PLB1: variants seen among roughly 807,000 people sequenced by gnomAD.
PLB1 encodes the protein phospholipase B1, membrane-associated.
In PLB1, 242 loss-of-function variants were observed where a neutral mutation model predicts 227.4. The ratio of observed to expected loss-of-function variants is 1.06; its 90% CI spans 0.96 to 1.18. The LOEUF (loss-of-function observed/expected upper bound fraction) is 1.18, where lower values mean the gene tolerates loss of function less well. Ranked by LOEUF, PLB1 falls within the 50% of genes most tolerant of loss-of-function variation. PLB1 has a pLI of 0.00. For synonymous variants in PLB1, 757 were observed against 682.2 expected (o/e 1.11, Z -1.71); for missense variants, 1,858 against 1,816.3 (o/e 1.02, Z -0.42).
rs143118117 is a variant in PLB1 at position 28,626,508 on chromosome 2, G to T, written c.3660G>T (p.Pro1220=). 25 of 1,613,612 alleles carry T rather than the reference G, an allele frequency of 1.5e-5. No homozygotes were observed. In the South Asian group the frequency reaches 2.3e-4, roughly 15 times the overall value. Residue 1220 remains proline (P), a splice_region_variant and synonymous_variant, in exon 51 of 58, where the codon CCG becomes CCT. Coordinates refer to ENST00000327757, the MANE Select transcript of PLB1 (RefSeq NM_153021.5). ...ACTTGTGTCATTACTGTGAGAATCC[G>T]GTAGGCCCCCGACCAACCCCATGGG... ...VNDLCHYCEN[P]EAHLATEYVQ...
chr2:28,577,695 A>G (rs1158441527), intron 21 of PLB1, among the ~76,000 whole-genome samples: 3 of 152,118 alleles, frequency 2.0e-5, no homozygotes, highest in South Asian at 2.1e-4. Flanking sequence ...ACAAAAATTA[A>G]CTGGGTGTGG....
At chr2:28,613,545 T>C (rs987072048) in intron 43 of PLB1, among the ~76,000 whole-genome samples, 3 of 151,454 alleles carry the variant, frequency 2.0e-5, no homozygotes, top group Non-Finnish European at 4.4e-5. Context: ...GAGGGTGTTT[T>C]ACAAGAAAAA....
intron 1 of PLB1, among the ~76,000 whole-genome samples, chr2:28,501,099 A>G (rs867778682): frequency 2.6e-5 from 4 of 152,216 alleles, no homozygotes; most frequent in Non-Finnish European, 1.5e-5. Context: ...TGACAAAACT[A>G]AGAAATGTAG....
Position 28,599,702 on chromosome 2 carries a change from C to T in PLB1, c.2474+942C>T, listed in dbSNP as rs189587701. Reference sequence around the variant, plus strand: ...CACAATCTCTGCTCACGGTAACCTCCGCCTCCCAGGTTCAAGTGATTCTTG... The same window carrying T: ...CACAATCTCTGCTCACGGTAACCTCTGCCTCCCAGGTTCAAGTGATTCTTG... On this transcript the variant is annotated intron_variant, in intron 35 of 57. Transcript: ENST00000327757. Among the ~76,000 whole-genome samples, 90 of 152,290 alleles carry T rather than the reference C, an allele frequency of 5.9e-4. 1 individual carries two copies. Among genetic ancestry groups the T allele is most frequent in the Non-Finnish European group, 7.2e-4 (49 of 68,018 alleles).
Position 28,582,203 on chromosome 2 carries a change from T to G in PLB1, c.1632+70T>G, listed in dbSNP as rs1054985266. The G allele has an allele frequency of 2.2e-5, 34 of 1,519,152 alleles. 1 individual carries two copies. The highest frequency in any genetic ancestry group is 3.1e-5 in the Non-Finnish European group (34 of 1,094,942). 94.1% of individuals were successfully genotyped at this position (1,519,152 alleles called of 1,614,324 possible). On this transcript the variant is annotated intron_variant, in intron 24 of 57. Coordinates refer to ENST00000327757, the MANE Select transcript of PLB1 (RefSeq NM_153021.5). ...TAGCCTAGAGGAAGCTCTGGCATCC[T>G]GCTGAGACCTCCTTGGCAGGTCACC...
chr2:28,591,614 T>C (rs1005646915), intron 30 of PLB1, 86 bp from the exon 31 acceptor site: 14 of 1,400,418 alleles, frequency 1.0e-5, no homozygotes, highest in Non-Finnish European at 1.4e-5. Flanking sequence ...AATCTGTATT[T>C]TTCAAAGTTC....
At chr2:28,598,161 C>T (rs1683270929) in intron 34 of PLB1, 113 bp downstream of exon 34, 1 of 879,824 alleles carries the variant, frequency 1.1e-6, no homozygotes, top group Admixed American at 2.6e-5. Flanking sequence ...TATGGCCCAG[C>T]ATTTAAGTAG....
In PLB1 at chr2:28,582,385, C is replaced by CT. The variant is rs759431513; in HGVS notation, c.1633-19dup. Reference sequence around the variant, plus strand: ...CTGCCCAGCCTCATCCTCTTGGTGACTGAGTTTGCCTTTTCTCAGGTTCCT... The same window carrying CT: ...CTGCCCAGCCTCATCCTCTTGGTGACTTGAGTTTGCCTTTTCTCAGGTTCCT... On this transcript the variant is annotated intron_variant, in intron 24 of 57. Transcript: ENST00000327757. The CT allele has an allele frequency of 1.6e-5, 26 of 1,605,696 alleles. No individual in the cohort carries two copies. In the Middle Eastern group the frequency reaches 5.0e-4, roughly 31 times the overall value.
intron 1 of PLB1, among the ~76,000 whole-genome samples, chr2:28,514,017 G>A (rs898125706): frequency 2.0e-5 from 3 of 152,156 alleles, no homozygotes; most frequent in African/African-American, 7.2e-5. Context: ...CAGGCACTGG[G>A]TTAGATCTTC....
At chr2:28,605,808 C>T (rs768092428) in intron 41 of PLB1, 45 bp from the exon 42 acceptor site, 3 of 1,524,744 alleles carry the variant, frequency 2.0e-6, no homozygotes, top group Non-Finnish European at 2.7e-6. Flanking sequence ...TGGTGGCTCC[C>T]TCTGAACCAA....
intron 8 of PLB1, among the ~76,000 whole-genome samples, chr2:28,531,530 C>T (rs777838631): frequency 2.0e-5 from 3 of 152,130 alleles, no homozygotes; most frequent in Admixed American, 6.5e-5. Flanking sequence ...AGGCTGGTCT[C>T]GAACTCCCAA....
intron 17 of PLB1, among the ~76,000 whole-genome samples, chr2:28,558,228 G>C (rs1380276271): frequency 6.6e-6 from 1 of 151,838 alleles, no homozygotes; most frequent in East Asian, 1.9e-4. Context: ...GGAATGGTAG[G>C]TTTCAGCTGC....
intron 51 of PLB1, among the ~76,000 whole-genome samples, chr2:28,627,392 A>AATG (rs1280388429): frequency 6.6e-6 from 1 of 152,152 alleles, no homozygotes; most frequent in African/African-American, 2.4e-5. Context: ...GGCGTAGGGA[A>AATG]ATGCCCTCTA....
chr2:28,598,622 C>T (rs202190933), intron 34 of PLB1, 30 bp from the exon 35 acceptor site: 50 of 1,553,180 alleles, frequency 3.2e-5, no homozygotes, highest in East Asian at 2.2e-4. Context: ...TGTTCTGAGC[C>T]GTCTGCATCC....
chr2:28,529,220 T>C (rs1670680870), intron 6 of PLB1, 97 bp from the exon 7 acceptor site: 1 of 793,088 alleles, frequency 1.3e-6, no homozygotes, highest in East Asian at 2.5e-5. Context: ...ACTGAGATTA[T>C]AGGCATGAGC....
chr2:28,599,998 C>T (rs1363590785), intron 35 of PLB1, among the ~76,000 whole-genome samples: 3 of 152,172 alleles, frequency 2.0e-5, no homozygotes, highest in East Asian at 1.9e-4. Context: ...ACCTTCACCT[C>T]CCAGGTTTAA....
intron 25 of PLB1, 109 bp downstream of exon 25, chr2:28,582,614 G>T: frequency 1.2e-6 from 1 of 804,134 alleles, no homozygotes; most frequent in South Asian, 1.7e-5. Flanking sequence ...TGAAAGGGCT[G>T]TGACCACCCC....
chr2:28,537,658 CAA>C lies in PLB1; in HGVS notation c.556-639_556-638del, dbSNP rs771254945. Reference sequence around the variant, plus strand: ...TGGGCAAAAGAGCGAGACTCCATCTCAAAAAAAAAAAAAAAAAAAAAAAGGTA... The same window carrying C: ...TGGGCAAAAGAGCGAGACTCCATCTCAAAAAAAAAAAAAAAAAAAAAGGTA... On this transcript the variant is annotated intron_variant, in intron 9 of 57. Transcript: ENST00000327757. Among the ~76,000 whole-genome samples the C allele has an allele frequency of 9.5e-3, 536 of 56,188 alleles. 2 individuals carry two copies. Among genetic ancestry groups the C allele is most frequent in the African/African-American group, 0.029 (459 of 15,620 alleles). The allele number at this position is 56,188 out of a possible 152,430, so 36.9% of individuals were successfully genotyped here.
chr2:28,627,959 T>C (rs1309951262), intron 51 of PLB1, among the ~76,000 whole-genome samples: 1 of 152,204 alleles, frequency 6.6e-6, no homozygotes, highest in African/African-American at 2.4e-5. Context: ...CTCCCTCTGC[T>C]ATAAAGCAAA....
Sources: allele counts gnomAD v4.1 joint callset (sites outside exome capture counted in the v4.1 genomes callset), GRCh38; gene constraint gnomAD v4.1.1; transcripts MANE v1.5; gene names NCBI Gene and HGNC (gene_info 2026-07-23, HGNC 2026-07-21).